The following ATG2B variants were observed in gnomAD, a reference collection of about 807,000 sequenced individuals.
ATG2B encodes the protein autophagy related 2B.
Under a neutral mutation model 241.3 loss-of-function variants are expected in ATG2B, and 121 were observed. The ratio of observed to expected loss-of-function variants is 0.50; its 90% CI spans 0.43 to 0.58. The LOEUF (loss-of-function observed/expected upper bound fraction) is 0.58. ATG2B is among the 20% of genes least tolerant of loss of function. The pLI, the probability that ATG2B is intolerant of heterozygous loss-of-function variation, is 0.00. For synonymous variants in ATG2B, 858 were observed against 876.6 expected (o/e 0.98, Z 0.37); for missense variants, 2,306 against 2,491.6 (o/e 0.93, Z 1.59).
In ATG2B at chr14:96,304,698, CAAAG is replaced by C. The variant is rs2139849509; in HGVS notation, c.4734-99_4734-96del. On this transcript the variant is annotated intron_variant, in intron 31 of 41. Coordinates refer to ENST00000359933, the MANE Select transcript of ATG2B (RefSeq NM_018036.7). Reference sequence around the variant, plus strand: ...TTAAGGAAAATGATAAGATGAAAGACAAAGTAAGAGTACAGAGCTATCAGAACGC... The same window carrying C: ...TTAAGGAAAATGATAAGATGAAAGACTAAGAGTACAGAGCTATCAGAACGC... 6 of 988,444 alleles carry C rather than the reference CAAAG, an allele frequency of 6.1e-6. No individual in the cohort carries two copies. The East Asian group carries it at 7.4e-5, about 12-fold the overall frequency. The allele number at this position is 988,444 out of a possible 1,614,324, so 61.2% of individuals were successfully genotyped here.
At chr14:96,350,893 G>A (rs1888300116) in intron 1 of ATG2B, among the ~76,000 whole-genome samples, 1 of 152,180 alleles carries the variant, frequency 6.6e-6, no homozygotes, top group Admixed American at 6.5e-5. Context: ...GCATCATGCT[G>A]GGTCTCCTGT....
rs1886263736 is a variant in ATG2B at position 96,283,749 on chromosome 14, C to T, written c.*2006G>A. ...GAAGTGTTCCGATATAGATAAACAT[C>T]TTTCCAGAATCTCAGGTAAAGAACA... On this transcript the variant is annotated 3_prime_UTR_variant, in exon 42 of 42. Transcript: ENST00000359933. 1 of 152,238 alleles carries T rather than the reference C, an allele frequency of 6.6e-6. No homozygotes were observed. The highest frequency in any genetic ancestry group is 1.5e-5 in the Non-Finnish European group (1 of 68,046). The allele number at this position is 152,238 out of a possible 1,614,324, so 9.4% of individuals were successfully genotyped here.
At chr14:96,337,866 G>A (rs1566730632) in intron 6 of ATG2B, among the ~76,000 whole-genome samples, 1 of 152,100 alleles carries the variant, frequency 6.6e-6, no homozygotes, top group Non-Finnish European at 1.5e-5. Flanking sequence ...GTTGTGGGCA[G>A]TATGGTCATT....
intron 10 of ATG2B, among the ~76,000 whole-genome samples, chr14:96,331,841 C>T (rs900537365): frequency 1.3e-5 from 2 of 152,162 alleles, no homozygotes; most frequent in Non-Finnish European, 2.9e-5. Context: ...TACAAGAGTA[C>T]GTGACAACAG....
chr14:96,354,440 G>A (rs12147185), intron 1 of ATG2B, among the ~76,000 whole-genome samples: 30,671 of 152,142 alleles, frequency 0.2, 3,862 homozygotes, highest in Non-Finnish European at 0.27. Flanking sequence ...CCACGTGCCT[G>A]CAAAGGACAT....
chr14:96,304,031 T>C lies in ATG2B; in HGVS notation c.4842+464A>G, dbSNP rs1886866480. Among the ~76,000 whole-genome samples, 11 of 152,314 alleles carry C rather than the reference T, an allele frequency of 7.2e-5. No individual in the cohort carries two copies. The South Asian group carries it at 2.1e-3, about 29-fold the overall frequency. On this transcript the variant is annotated intron_variant, in intron 32 of 41. Transcript: ENST00000359933. Reference sequence around the variant, plus strand: ...CTTGGTACAATCTCAGACAAGCTGGTAGAATTAAATGCGTGTGATGCCATC... The same window carrying C: ...CTTGGTACAATCTCAGACAAGCTGGCAGAATTAAATGCGTGTGATGCCATC...
At position 96,333,829 on chromosome 14, in the gene ATG2B, G is replaced by T. The variant is rs775509366; in HGVS notation, c.1066C>A (p.Arg356=). The change falls in exon 8 of 42, where the codon CGA becomes AGA. Residue 356 remains arginine (R), a synonymous_variant. Transcript: ENST00000359933. ...TACTCGTCTTCCTGCTGCATGGGTC[G>T]ATTTTTCCTATCTTTATTAGCTAAC... ...IGLANKDRKN[R]PMQQEDEYRI... is the part of the protein sequence containing the mutation. 2 of 1,613,672 alleles carry T rather than the reference G, an allele frequency of 1.2e-6. No individual in the cohort carries two copies. Among genetic ancestry groups the T allele is most frequent in the Non-Finnish European group, 1.7e-6 (2 of 1,179,828 alleles).
intron 25 of ATG2B, 116 bp downstream of exon 25, chr14:96,312,949 A>G: frequency 1.7e-6 from 1 of 582,066 alleles, no homozygotes; most frequent in Non-Finnish European, 2.9e-6. Flanking sequence ...GGTTATAACT[A>G]TTAGTAAAAG....
Position 96,297,692 on chromosome 14 carries a change from C to T in ATG2B, c.5140-2132G>A, listed in dbSNP as rs547124551. On this transcript the variant is annotated intron_variant, in intron 34 of 41. Coordinates refer to ENST00000359933, the MANE Select transcript of ATG2B (RefSeq NM_018036.7). The stretch of plus-strand genomic sequence containing the variant: ...GATTACAGGCGTGAGCCACCGCACC[C>T]GGCCACTAATCACTAGCTTTTTAAA... 2.6e-5 allele frequency among the ~76,000 whole-genome samples: 4 copies of T among 152,148 alleles called. No homozygotes were observed. The East Asian group carries it at 5.8e-4, about 22-fold the overall frequency.
chr14:96,311,184 C>A lies in ATG2B; in HGVS notation c.4094G>T (p.Ser1365Ile), dbSNP rs1476268049. Residue 1365 changes from serine (S) to isoleucine (I), a missense_variant, in exon 28 of 42, where the codon AGC becomes ATC. Ser to Ile is a moderately radical substitution (Grantham distance 142, BLOSUM62 -2). Around this residue, in one of 2 missense-constraint regions of ATG2B, gnomAD observed 1,927 missense variants for 2,011.2 expected, o/e 0.96. Coordinates refer to ENST00000359933, the MANE Select transcript of ATG2B (RefSeq NM_018036.7). ...GTTAGGTGTCTGCAAGTCACCATAG[C>A]TTGCAATGTACTGAATGAGATTCAT... ...ALMNLIQYIA[S>I]YGDLQTPNKA... 6.2e-7 allele frequency: 1 copy of A among 1,613,898 alleles called. No homozygotes were observed. The highest frequency in any genetic ancestry group is 8.5e-7 in the Non-Finnish European group (1 of 1,179,934).
intron 30 of ATG2B, among the ~76,000 whole-genome samples, chr14:96,306,478 T>C (rs910010441): frequency 6.6e-6 from 1 of 152,186 alleles, no homozygotes; most frequent in African/African-American, 2.4e-5. Flanking sequence ...ATAAAAAATC[T>C]GGAGTTCAAT....
rs182592259 is a variant in ATG2B, at chr14:96,321,981, T to A, written c.2879+131A>T. On this transcript the variant is annotated intron_variant, in intron 18 of 41. Transcript: ENST00000359933. ...CACATCATAACGGCAATAGTCACCATCAACACCACACAAAGTACACAGAGA... is the reference window on the plus strand; with the variant it reads ...CACATCATAACGGCAATAGTCACCAACAACACCACACAAAGTACACAGAGA... The A allele has an allele frequency of 4.9e-3, 3,314 of 674,510 alleles. 11 individuals carry two copies. The highest frequency in any genetic ancestry group is 6.3e-3 in the Non-Finnish European group (2,646 of 419,736). 41.8% of individuals were successfully genotyped at this position (674,510 alleles called of 1,614,324 possible). A position where few individuals can be genotyped will look rare whatever the true frequency, so the allele number is the denominator to read the frequency against.
rs960974737 is a variant in ATG2B, at chr14:96,283,398, C to G, written c.*2357G>C. 1 of 152,282 alleles carries G rather than the reference C, an allele frequency of 6.6e-6. No homozygotes were observed. The highest frequency in any genetic ancestry group is 2.1e-4 in the South Asian group (1 of 4,836). 9.4% of individuals were successfully genotyped at this position (152,282 alleles called of 1,614,324 possible). ...CCCCTGGCTGCTCCGCGTGTGATGT[C>G]GCCAGAGAGGACTCTCACTGGACGA... On this transcript the variant is annotated 3_prime_UTR_variant, in exon 42 of 42. Transcript: ENST00000359933.
At position 96,329,522 on chromosome 14, in the gene ATG2B, G is replaced by C. The variant is rs1265683451; in HGVS notation, c.1843C>G (p.Pro615Ala). 1 of 1,612,606 alleles carries C rather than the reference G, an allele frequency of 6.2e-7. No homozygotes were observed. The highest frequency in any genetic ancestry group is 8.5e-7 in the Non-Finnish European group (1 of 1,179,062). Residue 615 changes from proline to alanine, a missense_variant, in exon 12 of 42, where the codon CCA becomes GCA. Around this residue, in one of 2 missense-constraint regions of ATG2B, gnomAD observed 1,927 missense variants for 2,011.2 expected, o/e 0.96. Transcript: ENST00000359933. ...GGAGGAACAGAATGAAAATCAGTTG[G>C]AAATAGGCACTCCAAAAATTCCATT... Reference protein sequence around the residue: ...GQMEFLECLFPTDFHSVPPHY... With the variant: ...GQMEFLECLFATDFHSVPPHY...
chr14:96,322,359 G>T, intron 17 of ATG2B, 105 bp from the exon 18 acceptor site: 2 of 1,389,900 alleles, frequency 1.4e-6, no homozygotes, highest in Non-Finnish European at 2.0e-6. Context: ...AAATAAATAA[G>T]CATGAAACAT....
At chr14:96,308,266 A>ATATATATG (rs1887041669) in intron 29 of ATG2B, among the ~76,000 whole-genome samples, 7 of 15,538 alleles carry the variant, frequency 4.5e-4, no homozygotes, top group Admixed American at 7.4e-4. Flanking sequence ...ACATATATAT[A>ATATATATG]TATATATATA....
chr14:96,306,110 T>C (rs897113907), intron 30 of ATG2B, among the ~76,000 whole-genome samples: 4 of 152,248 alleles, frequency 2.6e-5, no homozygotes, highest in African/African-American at 9.6e-5. Context: ...TGGGTATTTT[T>C]TTTTGTTTAA....
At chr14:96,356,236 G>A (rs181352483) in intron 1 of ATG2B, among the ~76,000 whole-genome samples, 5 of 151,338 alleles carry the variant, frequency 3.3e-5, no homozygotes, top group Non-Finnish European at 7.4e-5. Flanking sequence ...ACTACAAACA[G>A]GACACTAGAG....
At chr14:96,334,726 G>A (rs567046258) in intron 6 of ATG2B, among the ~76,000 whole-genome samples, 4 of 152,116 alleles carry the variant, frequency 2.6e-5, no homozygotes, top group Admixed American at 6.5e-5. Context: ...CCATGCTGAC[G>A]AGTCCAATGT....
Sources: gnomAD v4.1 joint callset for allele counts (sites outside exome capture counted in the v4.1 genomes callset) on GRCh38, gnomAD v4.1.1 for gene constraint, gnomAD v4.1.1 regional missense constraint, MANE v1.5 for transcripts, NCBI Gene and HGNC (gene_info 2026-07-23, HGNC 2026-07-21) for gene names.